RASAL2: variants seen among roughly 807,000 people sequenced by gnomAD.
RASAL2 encodes the protein RAS protein activator like 2, also known as ras GTPase-activating protein nGAP.
In RASAL2, 58 loss-of-function variants were observed where a neutral mutation model predicts 128.9. The ratio of observed to expected loss-of-function variants is 0.45; its 90% CI spans 0.36 to 0.56. RASAL2 has a LOEUF of 0.56. Ranked by LOEUF, RASAL2 falls within the 20% of genes least tolerant of loss-of-function variation. RASAL2 has a pLI of 0.00. For synonymous variants in RASAL2, 561 were observed against 580.8 expected, an observed-to-expected ratio of 0.97 and a Z score of 0.49; for missense variants, 1,360 against 1,601.6, an observed-to-expected ratio of 0.85 and a Z score of 2.57.
At chr1:178,138,400 G>C (rs561484794) in intron 1 of RASAL2, among the ~76,000 whole-genome samples, 28 of 152,188 alleles carry the variant, frequency 1.8e-4, no homozygotes, top group African/African-American at 6.0e-4. Flanking sequence ...AAATGTAAAA[G>C]TTTTACATAA....
At position 178,478,524 on chromosome 1, in the gene RASAL2, A is replaced by G. The variant is rs1323204149; in HGVS notation, c.*5285A>G. ...TTTGTTTTTCATCTCCAGGGCCTTA[A>G]TAAGAGTGTGTTAACACACGACTAT... On this transcript the variant is annotated 3_prime_UTR_variant, in exon 18 of 18. Coordinates refer to ENST00000367649, the MANE Select transcript of RASAL2 (RefSeq NM_170692.4). 1.3e-5 allele frequency: 2 copies of G among 152,244 alleles called. No homozygotes were observed. Among genetic ancestry groups the G allele is most frequent in the Admixed American group, 6.5e-5 (1 of 15,286 alleles). 9.4% of individuals were successfully genotyped at this position (152,244 alleles called of 1,614,324 possible).
intron 4 of RASAL2, among the ~76,000 whole-genome samples, chr1:178,413,499 A>G (rs544942343): frequency 6.6e-6 from 1 of 152,192 alleles, no homozygotes; most frequent in African/African-American, 2.4e-5. Flanking sequence ...TTACTACTAC[A>G]TGACTAAAGG....
In RASAL2 at chr1:178,171,551, T is replaced by C. The variant is rs146266803; in HGVS notation, c.202+76857T>C. Among the ~76,000 whole-genome samples the C allele has an allele frequency of 4.5e-3, 688 of 152,092 alleles. 2 individuals carry two copies. Among genetic ancestry groups the C allele is most frequent in the Non-Finnish European group, 7.4e-3 (504 of 67,914 alleles). ...TTCAGACAATATTTTACTTGTATAGTTGGGGTGCACAGGTTGGTGTGGATT... is the reference window on the plus strand; with the variant it reads ...TTCAGACAATATTTTACTTGTATAGCTGGGGTGCACAGGTTGGTGTGGATT... On this transcript the variant is annotated intron_variant, in intron 1 of 17. Transcript: ENST00000367649.
chr1:178,400,688 T>G (rs1673566114), intron 4 of RASAL2, among the ~76,000 whole-genome samples: 1 of 152,202 alleles, frequency 6.6e-6, no homozygotes, highest in Non-Finnish European at 1.5e-5. Flanking sequence ...AAATCATATT[T>G]TATAAGTATA....
chr1:178,162,656 C>G (rs907472608), intron 1 of RASAL2, among the ~76,000 whole-genome samples: 1 of 148,732 alleles, frequency 6.7e-6, no homozygotes, highest in Non-Finnish European at 1.5e-5. Flanking sequence ...GGCACGATCT[C>G]AGCTCACCAC....
At chr1:178,367,944 AG>A (rs1671490903) in intron 3 of RASAL2, among the ~76,000 whole-genome samples, 1 of 151,442 alleles carries the variant, frequency 6.6e-6, no homozygotes, top group Non-Finnish European at 1.5e-5. Context: ...GGATCATTTA[AG>A]TATGGCCCAT....
At chr1:178,289,768 C>T (rs1335829817) in intron 2 of RASAL2, among the ~76,000 whole-genome samples, 1 of 152,176 alleles carries the variant, frequency 6.6e-6, no homozygotes, top group Non-Finnish European at 1.5e-5. Context: ...CAACTCCATC[C>T]TTCCAAGTTT....
chr1:178,280,868 A>G (rs1296613321), intron 1 of RASAL2, among the ~76,000 whole-genome samples: 4 of 152,188 alleles, frequency 2.6e-5, no homozygotes, highest in Middle Eastern at 3.4e-3. Flanking sequence ...CACTAGAGCA[A>G]AAAATAAGAT....
intron 1 of RASAL2, among the ~76,000 whole-genome samples, chr1:178,258,111 G>A (rs113157700): frequency 0.073 from 11,115 of 151,676 alleles, 486 homozygotes; most frequent in South Asian, 0.13. Flanking sequence ...CTGGCTAAAC[G>A]GTGAAACCCC....
intron 2 of RASAL2, among the ~76,000 whole-genome samples, chr1:178,299,685 C>T (rs911388639): frequency 6.6e-6 from 1 of 151,976 alleles, no homozygotes; most frequent in Non-Finnish European, 1.5e-5. Context: ...TTTGTAGAAA[C>T]AGGGTTTCAC....
At chr1:178,125,772 A>G (rs895901714) in intron 1 of RASAL2, among the ~76,000 whole-genome samples, 2 of 152,244 alleles carry the variant, frequency 1.3e-5, no homozygotes, top group South Asian at 2.1e-4. Context: ...GTAGGGATAT[A>G]TAATCCTACA....
chr1:178,301,704 A>C (rs1445044233), intron 3 of RASAL2, among the ~76,000 whole-genome samples: 2 of 152,162 alleles, frequency 1.3e-5, no homozygotes, highest in South Asian at 2.1e-4. Flanking sequence ...AAGTGCTAGG[A>C]ATAAAGCATG....
chr1:178,348,973 G>A (rs1413881853), intron 3 of RASAL2, among the ~76,000 whole-genome samples: 1 of 150,930 alleles, frequency 6.6e-6, no homozygotes, highest in Non-Finnish European at 1.5e-5. Context: ...CTAATTTTTT[G>A]TATTTTTAGT....
At chr1:178,177,326 G>A (rs1167201517) in intron 1 of RASAL2, among the ~76,000 whole-genome samples, 1 of 152,112 alleles carries the variant, frequency 6.6e-6, no homozygotes, top group African/African-American at 2.4e-5. Context: ...ATACCTTGCA[G>A]CTTAATTTGT....
chr1:178,394,990 T>C (rs368168247), intron 4 of RASAL2, among the ~76,000 whole-genome samples: 21 of 152,206 alleles, frequency 1.4e-4, no homozygotes, highest in Non-Finnish European at 1.8e-4. Context: ...TCAGTTGCTA[T>C]TGGTTTCTGT....
chr1:178,462,933 A>C (rs1362286588), intron 14 of RASAL2, among the ~76,000 whole-genome samples: 1 of 152,172 alleles, frequency 6.6e-6, no homozygotes, highest in East Asian at 1.9e-4. Context: ...AAATGTCCCT[A>C]TGTTACTTTT....
chr1:178,142,538 G>C (rs982715301), intron 1 of RASAL2, among the ~76,000 whole-genome samples: 3 of 152,182 alleles, frequency 2.0e-5, no homozygotes, highest in African/African-American at 7.2e-5. Context: ...TCTTTGGGGA[G>C]AGTTTCGGAT....
At chr1:178,201,413 A>T (rs1197129460) in intron 1 of RASAL2, among the ~76,000 whole-genome samples, 1 of 152,202 alleles carries the variant, frequency 6.6e-6, no homozygotes, top group East Asian at 1.9e-4. Flanking sequence ...TGGATTAGTC[A>T]CTTTAGACCT....
In RASAL2 at chr1:178,414,030, A is replaced by G. The variant is rs558481528; in HGVS notation, c.565-6481A>G. ...ACAGACCCAGAGGAACCTTAGGTAC[A>G]TATTACTAAGTGAAACAAGCCAGTC... On this transcript the variant is annotated intron_variant, in intron 4 of 17. Transcript: ENST00000367649. Among the ~76,000 whole-genome samples, 10 of 152,314 alleles carry G rather than the reference A, an allele frequency of 6.6e-5. No individual in the cohort carries two copies. The East Asian group carries it at 7.7e-4, about 12-fold the overall frequency.
Sources: allele counts gnomAD v4.1 joint callset (sites outside exome capture counted in the v4.1 genomes callset), GRCh38; gene constraint gnomAD v4.1.1; transcripts MANE v1.5; gene names NCBI Gene and HGNC (gene_info 2026-07-23, HGNC 2026-07-21).